The following FSCB variants were observed in gnomAD, a reference collection of about 807,000 sequenced individuals.
FSCB encodes fibrous sheath CABYR binding protein.
For synonymous variants in FSCB, 331 were observed against 336.6 expected, an observed-to-expected ratio of 0.98 and a Z score of 0.18; for missense variants, 975 against 934.8, an observed-to-expected ratio of 1.04 and a Z score of -0.56.
Position 44,504,352 on chromosome 14 carries a change from T to C in FSCB, c.*158A>G. 4 of 504,314 alleles carry C rather than the reference T, an allele frequency of 7.9e-6. No individual in the cohort carries two copies. Among genetic ancestry groups the C allele is most frequent in the Non-Finnish European group, 1.4e-5 (4 of 283,876 alleles). The allele number at this position is 504,314 out of a possible 1,614,324, so 31.2% of individuals were successfully genotyped here. ...ATTAACACAAGTAATTTTATGCTGC[T>C]ACAGTTTTTATTGTTCATTTTCCAA... On this transcript the variant is annotated 3_prime_UTR_variant, in exon 1 of 1. Transcript: ENST00000340446.
In FSCB at chr14:44,505,233, A is replaced by G. The variant is rs1881039334; in HGVS notation, c.1755T>C (p.Thr585=). Residue 585 remains threonine, a synonymous_variant, in exon 1 of 1, where the codon ACT becomes ACC. Transcript: ENST00000340446. ...ELQPPSGEET[T]AEEASAAIQL... The stretch of plus-strand genomic sequence containing the variant: ...GAATTGCAGCAGAGGCCTCTTCTGC[A>G]GTGGTCTCTTCACCTGATGGAGGCT... The G allele has an allele frequency of 1.2e-6, 2 of 1,613,178 alleles. No homozygotes were observed. The highest frequency in any genetic ancestry group is 2.2e-5 in the South Asian group (2 of 91,038).
At position 44,505,643 on chromosome 14, in the gene FSCB, G is replaced by C. The variant is rs759627915; in HGVS notation, c.1345C>G (p.Pro449Ala). The C allele has an allele frequency of 6.0e-5, 96 of 1,613,362 alleles. No homozygotes were observed. Among genetic ancestry groups the C allele is most frequent in the Non-Finnish European group, 7.6e-5 (90 of 1,179,996 alleles). Reference protein sequence around the residue: ...ELQLSTAMETPAEEAPTEFQS... With the variant: ...ELQLSTAMETAAEEAPTEFQS... Reference sequence around the variant, plus strand: ...AATTCAGTAGGAGCCTCTTCTGCAGGGGTCTCCATAGCTGTTGAAAGCTGA... The same window carrying C: ...AATTCAGTAGGAGCCTCTTCTGCAGCGGTCTCCATAGCTGTTGAAAGCTGA... Residue 449 changes from proline to alanine, a missense_variant, in exon 1 of 1, where the codon CCT (proline) becomes GCT (alanine). Coordinates refer to ENST00000340446, the MANE Select transcript of FSCB (RefSeq NM_032135.4).
At chr14:44,505,705 A>C in the FSCB span, 1 of 1,613,468 alleles carries the variant, frequency 6.2e-7, no homozygotes, top group South Asian at 1.1e-5. Context: ...CTCTTCAGGT[A>C]ATAGAGGCTG....
At position 44,506,125 on chromosome 14, in the gene FSCB, T is replaced by A; in HGVS notation, c.863A>T (p.Glu288Val). Residue 288 changes from glutamate (E) to valine (V), a missense_variant, in exon 1 of 1, where the codon GAG (glutamate) becomes GTG (valine). Coordinates refer to ENST00000340446, the MANE Select transcript of FSCB (RefSeq NM_032135.4). ...TGATGGCTGTACTTGGACATGGGTC[T>A]CTTCAGCAGGTCTGGGCTCCGCTTT... Reference protein sequence around the residue: ...TAKAEPRPAEETHVQVQPSTE... With the variant: ...TAKAEPRPAEVTHVQVQPSTE... 1 of 1,614,174 alleles carries A rather than the reference T, an allele frequency of 6.2e-7. No homozygotes were observed. Among genetic ancestry groups the A allele is most frequent in the Non-Finnish European group, 8.5e-7 (1 of 1,180,026 alleles).
the FSCB span, chr14:44,504,710 A>AT: frequency 1.9e-6 from 3 of 1,614,120 alleles, no homozygotes; most frequent in Admixed American, 5.0e-5. Context: ...GGTGACTGAA[A>AT]TTCTGTAGAC....
At position 44,507,029 on chromosome 14, in the gene FSCB, A is replaced by C; in HGVS notation, c.-42T>G. On this transcript the variant is annotated 5_prime_UTR_variant, in exon 1 of 1. Transcript: ENST00000340446. ...CTTCTCTTTCGAATTTCTTGCCTAC[A>C]CGCTGAGATAGGCTGATTAGAGTCA... 1 of 1,392,738 alleles carries C rather than the reference A, an allele frequency of 7.2e-7. No homozygotes were observed. Among genetic ancestry groups the C allele is most frequent in the South Asian group, 1.4e-5 (1 of 72,038 alleles). 86.3% of individuals were successfully genotyped at this position (1,392,738 alleles called of 1,614,324 possible). A position where few individuals can be genotyped will look rare whatever the true frequency, so the allele number is the denominator to read the frequency against.
Position 44,506,633 on chromosome 14 carries a change from G to A in FSCB, c.355C>T (p.Pro119Ser), listed in dbSNP as rs36083807. 7.3e-4 allele frequency: 1,185 copies of A among 1,614,094 alleles called. 4 individuals carry two copies. In the Middle Eastern group the frequency reaches 9.9e-3, roughly 13 times the overall value. ...PESVQDVEIPPNIPSVQLKMD... is the reference protein window; with the variant it reads ...PESVQDVEIPSNIPSVQLKMD... ...TTTAGTTGAACTGAAGGTATGTTTG[G>A]TGGAATTTCTACATCCTGAACACTC... is the stretch of plus-strand genomic sequence containing the variant. Residue 119 changes from proline (P) to serine (S), a missense_variant, in exon 1 of 1, where the codon CCA becomes TCA. Pro to Ser is a moderately conservative substitution (Grantham distance 74). Coordinates refer to ENST00000340446, the MANE Select transcript of FSCB (RefSeq NM_032135.4).
rs1166061306 is a variant in FSCB, at chr14:44,505,024, G to A, written c.1964C>T (p.Pro655Leu). The change falls in exon 1 of 1, where the codon CCC becomes CTC. Residue 655 changes from proline to leucine, a missense_variant. Coordinates refer to ENST00000340446, the MANE Select transcript of FSCB (RefSeq NM_032135.4). ...EVQPPPAEEAPAEVQPPPAEE... is the reference protein window; with the variant it reads ...EVQPPPAEEALAEVQPPPAEE... Reference sequence around the variant, plus strand: ...AGCTGGTGGAGGCTGAACTTCAGCGGGGGCCTCCTCAGCTGGTGGAGGCTG... The same window carrying A: ...AGCTGGTGGAGGCTGAACTTCAGCGAGGGCCTCCTCAGCTGGTGGAGGCTG... 10 of 591,844 alleles carry A rather than the reference G, an allele frequency of 1.7e-5. No homozygotes were observed. Among genetic ancestry groups the A allele is most frequent in the Non-Finnish European group, 3.0e-5 (10 of 335,548 alleles). The allele number at this position is 591,844 out of a possible 1,614,324, so 36.7% of individuals were successfully genotyped here.
At position 44,506,577 on chromosome 14, in the gene FSCB, T is replaced by C. The variant is rs1260819325; in HGVS notation, c.411A>G (p.Thr137=). The change falls in exon 1 of 1, where the codon ACA becomes ACG. Residue 137 remains threonine (T), a synonymous_variant. Transcript: ENST00000340446. ...GGATGTTCATCATGGTCCAGTATCC[T>C]GTACGGCTGGTCTGCTGAGATCTGT... The part of the protein sequence containing the change: ...KMDRSQQTSR[T]GYWTMMNIPP... 1.8e-5 allele frequency: 29 copies of C among 1,614,106 alleles called. No individual in the cohort carries two copies. Among genetic ancestry groups the C allele is most frequent in the Admixed American group, 3.3e-5 (2 of 60,010 alleles).
In FSCB at chr14:44,505,850, G is replaced by T. The variant is rs1174482549; in HGVS notation, c.1138C>A (p.Leu380Ile). The change falls in exon 1 of 1, where the codon CTT becomes ATT. Residue 380 changes from leucine (L) to isoleucine (I), a missense_variant. Physicochemically the swap from Leu to Ile is conservative, Grantham distance 5. Transcript: ENST00000340446. ...PPAEKSPSVE[L>I]LGEIRSPSAQ... ...GAGGGAGACCGAATTTCACCAAGAA[G>T]CTCTACTGAAGGAGACTTTTCAGCT... 1 of 1,613,880 alleles carries T rather than the reference G, an allele frequency of 6.2e-7. No homozygotes were observed. Among genetic ancestry groups the T allele is most frequent in the Non-Finnish European group, 8.5e-7 (1 of 1,179,982 alleles).
chr14:44,504,686 T>C lies in FSCB; in HGVS notation c.2302A>G (p.Ile768Val), dbSNP rs755979135. The stretch of plus-strand genomic sequence containing the variant: ...ACCGATCCTAATTTTACTGCTGGAA[T>C]TCCTGCCACCTGCGGTGACTGAAAT... ...TEFQSPQVAG[I>V]PAVKLGSVVL... is the part of the protein sequence containing the mutation. Residue 768 changes from isoleucine to valine, a missense_variant, in exon 1 of 1, where the codon ATT (isoleucine) becomes GTT (valine). Transcript: ENST00000340446. The C allele has an allele frequency of 7.4e-6, 12 of 1,614,040 alleles. No individual in the cohort carries two copies. The South Asian group carries it at 1.3e-4, about 18-fold the overall frequency.
At position 44,505,931 on chromosome 14, in the gene FSCB, G is replaced by C; in HGVS notation, c.1057C>G (p.Pro353Ala). Residue 353 changes from proline to alanine, a missense_variant, in exon 1 of 1, where the codon CCA (proline) becomes GCA (alanine). Coordinates refer to ENST00000340446, the MANE Select transcript of FSCB (RefSeq NM_032135.4). ...TCTGAAGGGGACTCTTCAGCTGATG[G>C]AGGCAGAATTTCAGCCAGAAGCTCT... ...SVELLAEILP[P>A]SAEESPSEEP... 2 of 1,613,228 alleles carry C rather than the reference G, an allele frequency of 1.2e-6. No homozygotes were observed. Among genetic ancestry groups the C allele is most frequent in the Non-Finnish European group, 1.7e-6 (2 of 1,179,276 alleles).
chr14:44,504,576 C>T lies in FSCB; in HGVS notation c.2412G>A (p.Gln804=). ...LKDLSNTNDG[Q]APTLEIESVF... The stretch of plus-strand genomic sequence containing the variant: ...CACTTTCTATTTCAAGAGTGGGAGC[C>T]TGTCCATCATTGGTATTAGACAAAT... Residue 804 remains glutamine, a synonymous_variant, in exon 1 of 1, where the codon CAG becomes CAA. Transcript: ENST00000340446. 1 of 1,614,030 alleles carries T rather than the reference C, an allele frequency of 6.2e-7. No individual in the cohort carries two copies. The highest frequency in any genetic ancestry group is 8.5e-7 in the Non-Finnish European group (1 of 1,179,938).
chr14:44,507,193 T>C lies in FSCB; in HGVS notation c.-206A>G. ...CTGTTGAGCTCCCTCAGAAAAAAAG[T>C]AATTCATAAGCTATTGCATTCCATA... On this transcript the variant is annotated 5_prime_UTR_variant, in exon 1 of 1. Transcript: ENST00000340446. 1.9e-6 allele frequency: 1 copy of C among 512,856 alleles called. No individual in the cohort carries two copies. Among genetic ancestry groups the C allele is most frequent in the Middle Eastern group, 5.3e-4 (1 of 1,902 alleles). The allele number at this position is 512,856 out of a possible 1,614,324, so 31.8% of individuals were successfully genotyped here.
Position 44,504,688 on chromosome 14 carries a change from C to G in FSCB, c.2300G>C (p.Gly767Ala). 1 of 1,614,132 alleles carries G rather than the reference C, an allele frequency of 6.2e-7. No individual in the cohort carries two copies. Among genetic ancestry groups the G allele is most frequent in the South Asian group, 1.1e-5 (1 of 91,076 alleles). The stretch of plus-strand genomic sequence containing the variant: ...CGATCCTAATTTTACTGCTGGAATT[C>G]CTGCCACCTGCGGTGACTGAAATTC... ...STEFQSPQVAGIPAVKLGSVV... is the reference protein window; with the variant it reads ...STEFQSPQVAAIPAVKLGSVV... The change falls in exon 1 of 1, where the codon GGA becomes GCA. Residue 767 changes from glycine (G) to alanine (A), a missense_variant. Physicochemically the swap from Gly to Ala is moderately conservative, Grantham distance 60 (BLOSUM62 0). Coordinates refer to ENST00000340446, the MANE Select transcript of FSCB (RefSeq NM_032135.4).
Position 44,505,273 on chromosome 14 carries a change from G to A in FSCB, c.1715C>T (p.Ala572Val), listed in dbSNP as rs778963490. The A allele has an allele frequency of 5.6e-6, 9 of 1,612,786 alleles. No individual in the cohort carries two copies. The highest frequency in any genetic ancestry group is 1.3e-5 in the African/African-American group (1 of 74,646). The change falls in exon 1 of 1, where the codon GCC becomes GTC. Residue 572 changes from alanine (A) to valine (V), a missense_variant. Physicochemically the swap from Ala to Val is moderately conservative, Grantham distance 64. Coordinates refer to ENST00000340446, the MANE Select transcript of FSCB (RefSeq NM_032135.4). ...PSAKGVSIEE[A>V]PLELQPPSGE... ...TGATGGAGGCTGAAGCTCAAGAGGG[G>A]CCTCTTCTATAGAAACTCCCTTAGC... is the stretch of plus-strand genomic sequence containing the variant.
rs1881009114 is a variant in FSCB at position 44,504,399 on chromosome 14, T to A, written c.*111A>T. On this transcript the variant is annotated 3_prime_UTR_variant, in exon 1 of 1. Coordinates refer to ENST00000340446, the MANE Select transcript of FSCB (RefSeq NM_032135.4). ...CCAACCTGTATTCCAAGTCTTGGGG[T>A]CCCCTTTAATTTGCCTTATTGACAA... 5 of 678,528 alleles carry A rather than the reference T, an allele frequency of 7.4e-6. No individual in the cohort carries two copies. The South Asian group carries it at 1.3e-4, about 18-fold the overall frequency. 42.0% of individuals were successfully genotyped at this position (678,528 alleles called of 1,614,324 possible). A position where few individuals can be genotyped will look rare whatever the true frequency, so the allele number is the denominator to read the frequency against.
chr14:44,504,261 G>C lies in FSCB; in HGVS notation c.*249C>G, dbSNP rs1881004715. On this transcript the variant is annotated 3_prime_UTR_variant, in exon 1 of 1. Coordinates refer to ENST00000340446, the MANE Select transcript of FSCB (RefSeq NM_032135.4). ...GTTTACTGTAGGAAGGATATTTTAA[G>C]CAATTTTTTTCAATTATAAACTTAC... 3.0e-6 allele frequency: 1 copy of C among 329,156 alleles called. No individual in the cohort carries two copies. Among genetic ancestry groups the C allele is most frequent in the African/African-American group, 2.1e-5 (1 of 46,996 alleles). 20.4% of individuals were successfully genotyped at this position (329,156 alleles called of 1,614,324 possible).
At chr14:44,505,660 G>T in the FSCB span, 9 of 1,613,486 alleles carry the variant, frequency 5.6e-6, no homozygotes, top group Middle Eastern at 1.8e-4. Context: ...CATAGCTGTT[G>T]AAAGCTGAAG....
Sources: allele counts gnomAD v4.1 joint callset, GRCh38; gene constraint gnomAD v4.1.1; transcripts MANE v1.5; gene names NCBI Gene and HGNC (gene_info 2026-07-23, HGNC 2026-07-21).